Variants in AOPEP observed in about 807,000 individuals in gnomAD.
AOPEP encodes the protein aminopeptidase O.
In AOPEP, 77 loss-of-function variants were observed where a neutral mutation model predicts 98.1. The observed-to-expected ratio is 0.78, with a 90% confidence interval of 0.65 to 0.95. The LOEUF (loss-of-function observed/expected upper bound fraction) is 0.95, where lower values mean the gene tolerates loss of function less well. AOPEP is among the 40% of genes least tolerant of loss of function. The pLI, the probability that AOPEP is intolerant of heterozygous loss-of-function variation, is 0.00. For synonymous variants in AOPEP, 346 were observed against 365.3 expected (o/e 0.95, Z 0.60); for missense variants, 1,024 against 1,024.7 (o/e 1.00, Z 0.01).
Position 94,759,921 on chromosome 9 carries a change from C to T in AOPEP, c.138C>T (p.Phe46=), listed in dbSNP as rs745464270. 19 of 1,613,930 alleles carry T rather than the reference C, an allele frequency of 1.2e-5. 1 individual carries two copies. The South Asian group carries it at 2.0e-4, about 17-fold the overall frequency. The change falls in exon 2 of 17, where the codon TTC becomes TTT. Residue 46 remains phenylalanine, a synonymous_variant. Coordinates refer to ENST00000375315, the MANE Select transcript of AOPEP (RefSeq NM_001193329.3). ...SQVIEGTIVL[F]LEDGNRFKKQ... The stretch of plus-strand genomic sequence containing the variant: ...TCATTGAGGGGACCATAGTGCTTTT[C>T]CTCGAGGATGGAAACAGATTCAAGA...
At chr9:94,885,100 G>A (rs1168661601) in intron 5 of AOPEP, among the ~76,000 whole-genome samples, 1 of 151,524 alleles carries the variant, frequency 6.6e-6, no homozygotes, top group South Asian at 2.1e-4. Context: ...TGTAATCCCA[G>A]CACTTGGAGA....
At chr9:94,801,806 C>T (rs1180519869) in intron 5 of AOPEP, among the ~76,000 whole-genome samples, 2 of 152,166 alleles carry the variant, frequency 1.3e-5, no homozygotes, top group South Asian at 2.1e-4. Flanking sequence ...ATAAGCTCAT[C>T]AAAACATGTG....
At chr9:94,849,952 T>C (rs1264974573) in intron 5 of AOPEP, among the ~76,000 whole-genome samples, 3 of 151,664 alleles carry the variant, frequency 2.0e-5, no homozygotes, top group African/African-American at 7.3e-5. Flanking sequence ...GGAGAGTCGC[T>C]TGAACCCGGG....
intron 3 of AOPEP, among the ~76,000 whole-genome samples, chr9:94,787,863 C>T (rs1326028789): frequency 6.6e-6 from 1 of 152,084 alleles, no homozygotes; most frequent in Non-Finnish European, 1.5e-5. Context: ...ACCACTTTTA[C>T]CTCTTTCGGC....
chr9:94,966,009 C>A (rs537719619), intron 9 of AOPEP, among the ~76,000 whole-genome samples: 1 of 149,842 alleles, frequency 6.7e-6, no homozygotes, highest in Admixed American at 6.6e-5. Context: ...CACTGGGTGT[C>A]ATCAGAGTCT....
At chr9:94,794,105 C>G (rs904853019) in intron 4 of AOPEP, among the ~76,000 whole-genome samples, 4 of 152,184 alleles carry the variant, frequency 2.6e-5, no homozygotes, top group Non-Finnish European at 5.9e-5. Flanking sequence ...GTAGTGATTT[C>G]TTTCTTTTTT....
At chr9:94,856,860 G>A (rs887939803) in intron 5 of AOPEP, among the ~76,000 whole-genome samples, 1 of 152,186 alleles carries the variant, frequency 6.6e-6, no homozygotes, top group African/African-American at 2.4e-5. Flanking sequence ...TAAACATGGA[G>A]AGGCAAAGAG....
chr9:94,923,436 C>T (rs1488784100), intron 5 of AOPEP, among the ~76,000 whole-genome samples: 1 of 152,174 alleles, frequency 6.6e-6, no homozygotes, highest in Non-Finnish European at 1.5e-5. Flanking sequence ...ATTCGGGCCT[C>T]CTGGAAACCT....
intron 5 of AOPEP, among the ~76,000 whole-genome samples, chr9:94,906,486 A>ATAATAATAATAATAATAATAAT (rs1564358999): frequency 1.3e-5 from 2 of 149,870 alleles, no homozygotes; most frequent in Non-Finnish European, 3.0e-5. Flanking sequence ...TAATAATAAA[A>ATAATAATAATAATAATAATAAT]AAACAGACCC....
intron 1 of AOPEP, among the ~76,000 whole-genome samples, chr9:94,749,056 T>A (rs914926940): frequency 2.6e-5 from 4 of 152,182 alleles, no homozygotes; most frequent in African/African-American, 9.6e-5. Context: ...CTACATCGAT[T>A]TTTTGGAATT....
chr9:94,883,979 TCAGGACTAGACC>T (rs990558966), intron 5 of AOPEP, among the ~76,000 whole-genome samples: 1 of 152,134 alleles, frequency 6.6e-6, no homozygotes, highest in African/African-American at 2.4e-5. Flanking sequence ...CCTTGATCCA[TCAGGACTAGACC>T]CCAAGATAGA....
intron 13 of AOPEP, chr9:95,056,199 A>T (rs945828900): frequency 6.6e-6 from 1 of 152,168 alleles, no homozygotes; most frequent in African/African-American, 2.4e-5. Context: ...TAATAATAGA[A>T]CTCATGCCAC....
At chr9:94,796,263 G>C (rs568169328) in intron 4 of AOPEP, among the ~76,000 whole-genome samples, 1 of 152,330 alleles carries the variant, frequency 6.6e-6, no homozygotes, top group Admixed American at 6.5e-5. Context: ...CTGTGACTGA[G>C]TTTTCCCTTC....
At chr9:94,857,125 T>A (rs2135336978) in intron 5 of AOPEP, among the ~76,000 whole-genome samples, 1 of 152,370 alleles carries the variant, frequency 6.6e-6, no homozygotes, top group Non-Finnish European at 1.5e-5. Context: ...AAAAAATATC[T>A]TTGCTCAGGA....
chr9:94,943,007 CAACA>C (rs1332387677), intron 7 of AOPEP, among the ~76,000 whole-genome samples: 1 of 149,438 alleles, frequency 6.7e-6, no homozygotes, highest in African/African-American at 2.5e-5. Context: ...TAAAATTATA[CAACA>C]AACAGAAAAA....
chr9:95,088,558 A>T (rs191321118), downstream of AOPEP, among the ~76,000 whole-genome samples: 12 of 151,938 alleles, frequency 7.9e-5, no homozygotes, highest in African/African-American at 2.9e-4. Flanking sequence ...GCTTTCACTG[A>T]GGCAGAGCCA....
In AOPEP at chr9:94,982,061, T is replaced by C. The variant is rs146857791; in HGVS notation, c.1977+2634T>C. On this transcript the variant is annotated intron_variant, in intron 11 of 16. Transcript: ENST00000375315. ...CTCTTTAAAGAATATCCCAACTCTA[T>C]AACCTCTGGCCTTACAAAGAGATTT... Among the ~76,000 whole-genome samples, 6 of 152,300 alleles carry C rather than the reference T, an allele frequency of 3.9e-5. No individual in the cohort carries two copies. The East Asian group carries it at 1.2e-3, about 29-fold the overall frequency.
chr9:94,996,683 AG>A (rs1420492625), intron 11 of AOPEP, among the ~76,000 whole-genome samples: 1 of 152,168 alleles, frequency 6.6e-6, no homozygotes, highest in Non-Finnish European at 1.5e-5. Context: ...TTGCTTTTCA[AG>A]CTGGTGAAAT....
chr9:95,138,827 C>T, the AOPEP span, among the ~76,000 whole-genome samples: 2 of 152,186 alleles, frequency 1.3e-5, no homozygotes, highest in Non-Finnish European at 2.9e-5. Flanking sequence ...CTCAAGCACA[C>T]GAGTCACACT....
Sources: gnomAD v4.1 joint callset for allele counts (sites outside exome capture counted in the v4.1 genomes callset) on GRCh38, gnomAD v4.1.1 for gene constraint, MANE v1.5 for transcripts, NCBI Gene and HGNC (gene_info 2026-07-23, HGNC 2026-07-21) for gene names.